The following VDR variants were observed in gnomAD, a reference collection of about 807,000 sequenced individuals.
VDR encodes vitamin D receptor, also known as vitamin D3 receptor.
In VDR, 19 loss-of-function variants were observed where a neutral mutation model predicts 39.7. The ratio of observed to expected loss-of-function variants is 0.48; its 90% CI spans 0.33 to 0.70. The LOEUF (loss-of-function observed/expected upper bound fraction) is 0.70. Among genes scored for constraint, VDR ranks in the 30% least tolerant of loss-of-function variants. The probability of loss-of-function intolerance (pLI) is 0.02; values close to 1 mark genes in which losing one functional copy is unlikely to be tolerated. For synonymous variants in VDR, 242 were observed against 215.8 expected, an observed-to-expected ratio of 1.12 and a Z score of -1.07; for missense variants, 442 against 570.5, an observed-to-expected ratio of 0.77 and a Z score of 2.29.
intron 1 of VDR, chr12:47,900,086 C>T: frequency 3.6e-5 from 13 of 358,446 alleles, no homozygotes; most frequent in Non-Finnish European, 4.7e-5. Context: ...TTCCTATTTG[C>T]CTTCCAGACT....
intron 1 of VDR, among the ~76,000 whole-genome samples, chr12:47,899,379 C>G (rs999009567): frequency 2.6e-5 from 4 of 152,252 alleles, no homozygotes; most frequent in Admixed American, 1.3e-4. Context: ...GTGCCAGGCA[C>G]TTGACTTACA....
intron 2 of VDR, among the ~76,000 whole-genome samples, chr12:47,880,043 G>C (rs1287784662): frequency 6.6e-6 from 1 of 152,116 alleles, no homozygotes; most frequent in African/African-American, 2.4e-5. Context: ...TCTACTGTCA[G>C]GCTCAGAGAT....
chr12:47,876,032 C>CA (rs753710342), intron 3 of VDR, among the ~76,000 whole-genome samples: 4 of 152,086 alleles, frequency 2.6e-5, no homozygotes, highest in South Asian at 2.1e-4. Context: ...CAAAAAAAGG[C>CA]AAAAAATGTA....
At chr12:47,855,072 G>A (rs1945454593) in intron 7 of VDR, among the ~76,000 whole-genome samples, 1 of 152,208 alleles carries the variant, frequency 6.6e-6, no homozygotes, top group African/African-American at 2.4e-5. Context: ...GCTCATGCCT[G>A]TAATCCCAGC....
chr12:47,876,476 G>T lies in VDR; in HGVS notation c.146+2492C>A, dbSNP rs1006517492. Among the ~76,000 whole-genome samples the T allele has an allele frequency of 1.1e-4, 16 of 152,292 alleles. No homozygotes were observed. In the East Asian group the frequency reaches 2.7e-3, roughly 26 times the overall value. ...ACAGAGACAGTAAAGATCTAAGTAA[G>T]GTAGACTGAGGACAGGGTAACAAGA... On this transcript the variant is annotated intron_variant, in intron 3 of 9. Coordinates refer to ENST00000549336, the MANE Select transcript of VDR (RefSeq NM_000376.3).
chr12:47,869,396 C>T (rs1945804270), intron 3 of VDR, among the ~76,000 whole-genome samples: 1 of 151,830 alleles, frequency 6.6e-6, no homozygotes, highest in East Asian at 1.9e-4. Context: ...ATTAGCCGGG[C>T]GTGTTGGCGG....
intron 1 of VDR, among the ~76,000 whole-genome samples, chr12:47,883,116 C>T (rs1946191171): frequency 6.6e-6 from 1 of 152,142 alleles, no homozygotes; most frequent in African/African-American, 2.4e-5. Context: ...GAGGAAGGGC[C>T]TTTTCGTTAG....
intron 1 of VDR, among the ~76,000 whole-genome samples, chr12:47,890,729 G>A (rs559830481): frequency 1.3e-5 from 2 of 152,328 alleles, no homozygotes; most frequent in East Asian, 3.9e-4. Flanking sequence ...GACTGAGAAC[G>A]TGTGCCCTAG....
chr12:47,866,932 G>T (rs1388860268), intron 3 of VDR, among the ~76,000 whole-genome samples: 3 of 152,110 alleles, frequency 2.0e-5, no homozygotes, highest in African/African-American at 4.8e-5. Flanking sequence ...GGAGGTAGAG[G>T]TTGCAGTAGG....
At chr12:47,877,889 C>T (rs1376397452) in intron 3 of VDR, among the ~76,000 whole-genome samples, 1 of 152,238 alleles carries the variant, frequency 6.6e-6, no homozygotes, top group African/African-American at 2.4e-5. Flanking sequence ...ACAGAAACCC[C>T]ACTGCCCAGC....
intron 1 of VDR, among the ~76,000 whole-genome samples, chr12:47,894,930 G>A (rs1052893667): frequency 2.6e-5 from 4 of 152,220 alleles, no homozygotes; most frequent in African/African-American, 9.7e-5. Flanking sequence ...GACAGGGAAG[G>A]CCCGCGGGAG....
At chr12:47,870,122 C>T (rs1440117563) in intron 3 of VDR, among the ~76,000 whole-genome samples, 2 of 152,230 alleles carry the variant, frequency 1.3e-5, no homozygotes, top group Non-Finnish European at 2.9e-5. Flanking sequence ...GCTGGCCTTT[C>T]AGGTGTGTCT....
intron 1 of VDR, among the ~76,000 whole-genome samples, chr12:47,888,426 G>A (rs1946302143): frequency 6.6e-6 from 1 of 152,216 alleles, no homozygotes; most frequent in Admixed American, 6.5e-5. Flanking sequence ...GAGCGTGGCA[G>A]GACTCAGAGT....
intron 1 of VDR, among the ~76,000 whole-genome samples, chr12:47,901,695 G>A (rs1680112470): frequency 6.6e-6 from 1 of 152,254 alleles, no homozygotes; most frequent in Non-Finnish European, 1.5e-5. Context: ...GAAGCTGGAT[G>A]AGCAAAATGT....
chr12:47,857,604 C>A lies in VDR; in HGVS notation c.362G>T (p.Arg121Leu), dbSNP rs200765991. ...KEEEALKDSL[R>L]PKLSEEQQRI... is the part of the protein sequence containing the mutation. The stretch of plus-strand genomic sequence containing the variant: ...CTGCTGCTCCTCAGACAGCTTGGGC[C>A]GCAGACTGTCCTTCAAGGCCTCCTC... The change falls in exon 5 of 10, where the codon CGG becomes CTG. Residue 121 changes from arginine (R) to leucine (L), a missense_variant. Coordinates refer to ENST00000549336, the MANE Select transcript of VDR (RefSeq NM_000376.3). 1 of 1,614,074 alleles carries A rather than the reference C, an allele frequency of 6.2e-7. No individual in the cohort carries two copies. Among genetic ancestry groups the A allele is most frequent in the African/African-American group, 1.3e-5 (1 of 74,920 alleles).
chr12:47,878,787 G>T, intron 3 of VDR, 181 bp downstream of exon 3: 1 of 937,452 alleles, frequency 1.1e-6, no homozygotes, highest in Non-Finnish European at 1.7e-6. Context: ...ATCTGGAGCT[G>T]AGAGGAGGGA....
intron 3 of VDR, among the ~76,000 whole-genome samples, chr12:47,871,292 C>CTTTTCTT (rs754929705): frequency 2.5e-5 from 2 of 79,854 alleles, no homozygotes; most frequent in Non-Finnish European, 5.0e-5. Context: ...CTTTCTCTTT[C>CTTTTCTT]TCTTTCTTTC....
At chr12:47,890,372 A>G (rs1211898474) in intron 1 of VDR, among the ~76,000 whole-genome samples, 5 of 133,910 alleles carry the variant, frequency 3.7e-5, no homozygotes, top group Non-Finnish European at 1.5e-5. Flanking sequence ...TATGTAATAT[A>G]TATTTTATAT....
intron 4 of VDR, among the ~76,000 whole-genome samples, chr12:47,860,893 G>A (rs987849): frequency 0.6 from 91,231 of 152,152 alleles, 28,370 homozygotes; most frequent in African/African-American, 0.76. Context: ...AATGCTGGAT[G>A]GCACATAAAG....
Sources: gnomAD v4.1 joint callset for allele counts (sites outside exome capture counted in the v4.1 genomes callset) on GRCh38, gnomAD v4.1.1 for gene constraint, MANE v1.5 for transcripts, NCBI Gene and HGNC (gene_info 2026-07-23, HGNC 2026-07-21) for gene names.